The following TLE2 variants were observed in gnomAD, a reference collection of about 807,000 sequenced individuals.
TLE2 encodes transducin-like enhancer protein 2.
Under a neutral mutation model 97.2 loss-of-function variants are expected in TLE2, and 74 were observed. That is an observed-to-expected ratio of 0.76 (90% CI 0.63 to 0.92). TLE2 has a LOEUF of 0.92. Ranked by LOEUF, TLE2 falls within the 40% of genes least tolerant of loss-of-function variation. The pLI is 0.00. For synonymous variants in TLE2, 499 were observed against 432.1 expected (o/e 1.15, Z -1.92); for missense variants, 1,038 against 1,008.7 (o/e 1.03, Z -0.39).
Position 3,028,992 on chromosome 19 carries a change from G to C in TLE2, c.-88C>G. The C allele has an allele frequency of 6.5e-7, 1 of 1,548,978 alleles. No homozygotes were observed. The highest frequency in any genetic ancestry group is 8.7e-7 in the Non-Finnish European group (1 of 1,148,856). On this transcript the variant is annotated 5_prime_UTR_variant, in exon 1 of 20. Transcript: ENST00000262953. ...TGGGGGAGGCTGAAGTGGGGTGGTG[G>C]GGAGGCTGCCCGAAGAAAGAGGGAG...
intron 14 of TLE2, 22 bp downstream of exon 14, chr19:3,008,847 G>A: frequency 1.3e-6 from 2 of 1,528,494 alleles, no homozygotes; most frequent in Non-Finnish European, 1.8e-6. Flanking sequence ...CCCCAGGCAG[G>A]GAGCCCCACC....
chr19:3,018,153 T>C (rs774387537), intron 7 of TLE2, among the ~76,000 whole-genome samples: 1 of 151,824 alleles, frequency 6.6e-6, no homozygotes, highest in Non-Finnish European at 1.5e-5. Flanking sequence ...ACTTTACGAG[T>C]TGGGGTCTTG....
chr19:3,036,471 T>C (rs1280214237), intron 1 of TLE2, among the ~76,000 whole-genome samples: 1 of 152,104 alleles, frequency 6.6e-6, no homozygotes, highest in East Asian at 1.9e-4. Context: ...AGGCCAAGCC[T>C]TTGGCTTCCG....
intron 10 of TLE2, 109 bp from the exon 11 acceptor site, chr19:3,013,927 G>GGTGGGTCATGGGT: frequency 1.9e-6 from 2 of 1,078,712 alleles, no homozygotes; most frequent in Non-Finnish European, 2.5e-6. Flanking sequence ...GGGTACCCAT[G>GGTGGGTCATGGGT]ACCCACCATG....
chr19:3,030,532 C>T (rs1020519902), upstream of TLE2, among the ~76,000 whole-genome samples: 1 of 152,154 alleles, frequency 6.6e-6, no homozygotes, highest in South Asian at 2.1e-4. Context: ...CCCTTGATGA[C>T]ACTTGGACTT....
rs1208746167 is a variant in TLE2, at chr19:2,997,771, CGGCTGCTAGGATGTCTGTCCT to C, written c.*56_*76del. 1.5e-5 allele frequency: 16 copies of C among 1,071,116 alleles called. No individual in the cohort carries two copies. Among genetic ancestry groups the C allele is most frequent in the Non-Finnish European group, 2.1e-5 (15 of 712,080 alleles). 66.4% of individuals were successfully genotyped at this position (1,071,116 alleles called of 1,614,324 possible). Reference sequence around the variant, plus strand: ...ACGGTTCCTAGGCAGGGCTGGGAGGCGGCTGCTAGGATGTCTGTCCTGGCTGCTGATTCCCCTGGGAGTCTG... The same window carrying C: ...ACGGTTCCTAGGCAGGGCTGGGAGGCGGCTGCTGATTCCCCTGGGAGTCTG... On this transcript the variant is annotated 3_prime_UTR_variant, in exon 20 of 20. Coordinates refer to ENST00000262953, the MANE Select transcript of TLE2 (RefSeq NM_003260.5).
rs778109635 is a variant in TLE2 at position 3,013,771 on chromosome 19, C to A, written c.771G>T (p.Lys257Asn). ...PPSPATTPCG[K>N]VPICIPARRD... is the part of the protein sequence containing the mutation. The stretch of plus-strand genomic sequence containing the variant: ...GACGGGCAGGAATGCAGATGGGTAC[C>A]TTTCCGCAGGGGGTGGTAGCCGGGC... The change falls in exon 11 of 20, where the codon AAG (lysine) becomes AAT (asparagine). Residue 257 changes from lysine (K) to asparagine (N), a missense_variant. By Grantham distance (94) the Lys-to-Asn change is moderately conservative (BLOSUM62 0). Coordinates refer to ENST00000262953, the MANE Select transcript of TLE2 (RefSeq NM_003260.5). 14 of 1,561,606 alleles carry A rather than the reference C, an allele frequency of 9.0e-6. No homozygotes were observed. The highest frequency in any genetic ancestry group is 1.4e-5 in the African/African-American group (1 of 71,410).
chr19:3,046,482 C>T (rs903865976), upstream of TLE2, among the ~76,000 whole-genome samples: 2 of 152,224 alleles, frequency 1.3e-5, no homozygotes, highest in African/African-American at 2.4e-5. Context: ...CTCCCACCCT[C>T]TGCTGGAGGC....
intron 5 of TLE2, among the ~76,000 whole-genome samples, chr19:3,021,114 A>AAGG (rs752326503): frequency 1.3e-4 from 6 of 45,462 alleles, no homozygotes; most frequent in East Asian, 2.3e-3. Flanking sequence ...AAAAAAAAAA[A>AAGG]GGGGGGGGGG....
At chr19:3,020,915 A>C (rs542531869) in intron 5 of TLE2, among the ~76,000 whole-genome samples, 1 of 151,286 alleles carries the variant, frequency 6.6e-6, no homozygotes, top group South Asian at 2.1e-4. Flanking sequence ...GTGAAACCCT[A>C]TCTCTACTAA....
upstream of TLE2, chr19:3,029,552 TGGGAGCGGGGGGGGGGGCTTGCG>T (rs1391264162): frequency 9.4e-5 from 40 of 427,274 alleles, no homozygotes; most frequent in African/African-American, 6.0e-4. Context: ...TTACCCACCG[TGGGAGCGGGGGGGGGGGCTTGCG>T]GGGAGCGGGG....
intron 7 of TLE2, 45 bp from the exon 8 acceptor site, chr19:3,017,904 G>T (rs1258527820): frequency 1.2e-6 from 2 of 1,600,986 alleles, no homozygotes; most frequent in African/African-American, 2.7e-5. Flanking sequence ...GAGAAAGAAT[G>T]AGGCGTTTGT....
In TLE2 at chr19:3,019,135, C is replaced by T. The variant is rs1214985326; in HGVS notation, c.550+148G>A. On this transcript the variant is annotated intron_variant, in intron 7 of 19. Transcript: ENST00000262953. This position sits in a 1 kb window ranked among gnomAD's most constrained non-coding sequence, Gnocchi z 5.1. ...CTGGTCATGAACTCCTGGGCTCAAG[C>T]GATCCTCCCGCCTCGGCCTCCCAAA... 2.0e-4 allele frequency: 235 copies of T among 1,196,962 alleles called. No homozygotes were observed. Among genetic ancestry groups the T allele is most frequent in the Non-Finnish European group, 8.6e-5 (75 of 869,640 alleles). The allele number at this position is 1,196,962 out of a possible 1,614,324, so 74.1% of individuals were successfully genotyped here. A position where few individuals can be genotyped will look rare whatever the true frequency, so the allele number is the denominator to read the frequency against.
chr19:3,002,534 C>T (rs768356829), intron 17 of TLE2, 31 bp from the exon 18 acceptor site: 40 of 1,541,916 alleles, frequency 2.6e-5, no homozygotes, highest in African/African-American at 4.1e-5. Context: ...GATGGGGTCA[C>T]GAGCCCCTCT....
In TLE2 at chr19:2,997,723, T is replaced by C. The variant is rs2089245602; in HGVS notation, c.*125A>G. On this transcript the variant is annotated 3_prime_UTR_variant, in exon 20 of 20. Transcript: ENST00000262953. ...GCAGCAGGGGAAGGTGTGAAGCCGT[T>C]GGCCAGAGAGCAGATGGGATGTACG... 2.9e-6 allele frequency: 2 copies of C among 678,994 alleles called. No individual in the cohort carries two copies. Among genetic ancestry groups the C allele is most frequent in the East Asian group, 2.8e-5 (1 of 36,360 alleles). 42.1% of individuals were successfully genotyped at this position (678,994 alleles called of 1,614,324 possible). A position where few individuals can be genotyped will look rare whatever the true frequency, so the allele number is the denominator to read the frequency against.
At position 2,997,778 on chromosome 19, in the gene TLE2, T is replaced by C. The variant is rs1241171860; in HGVS notation, c.*70A>G. 1 of 1,188,204 alleles carries C rather than the reference T, an allele frequency of 8.4e-7. No homozygotes were observed. Among genetic ancestry groups the C allele is most frequent in the Non-Finnish European group, 1.2e-6 (1 of 815,948 alleles). The allele number at this position is 1,188,204 out of a possible 1,614,324, so 73.6% of individuals were successfully genotyped here. A position where few individuals can be genotyped will look rare whatever the true frequency, so the allele number is the denominator to read the frequency against. On this transcript the variant is annotated 3_prime_UTR_variant, in exon 20 of 20. Coordinates refer to ENST00000262953, the MANE Select transcript of TLE2 (RefSeq NM_003260.5). ...CTAGGCAGGGCTGGGAGGCGGCTGCTAGGATGTCTGTCCTGGCTGCTGATT... is the reference window on the plus strand; with the variant it reads ...CTAGGCAGGGCTGGGAGGCGGCTGCCAGGATGTCTGTCCTGGCTGCTGATT...
chr19:3,025,686 G>T (rs1022096067), intron 4 of TLE2: 3 of 877,852 alleles, frequency 3.4e-6, no homozygotes, highest in African/African-American at 1.8e-5. Context: ...GGGGAAGGGG[G>T]CGGGCATACA....
chr19:3,022,909 G>T (rs767459945), intron 5 of TLE2, among the ~76,000 whole-genome samples: 5 of 152,172 alleles, frequency 3.3e-5, no homozygotes, highest in Non-Finnish European at 7.3e-5. Context: ...TGCTGGAAAT[G>T]ATATGTACAT....
chr19:3,017,748 G>T (rs936441969), intron 8 of TLE2, 92 bp downstream of exon 8: 6 of 1,251,914 alleles, frequency 4.8e-6, no homozygotes, highest in Middle Eastern at 2.0e-4. Flanking sequence ...CACCATGATC[G>T]ACCTAGGTCT....
Sources: allele counts gnomAD v4.1 joint callset (sites outside exome capture counted in the v4.1 genomes callset), GRCh38; gene constraint gnomAD v4.1.1; non-coding constraint Gnocchi (gnomAD v3.1); transcripts MANE v1.5; gene names NCBI Gene and HGNC (gene_info 2026-07-23, HGNC 2026-07-21).